The following DNAH9 variants were observed in gnomAD, a reference collection of about 807,000 sequenced individuals.
DNAH9 encodes dynein axonemal heavy chain 9, also known as DNAH9 variant protein.
DNAH9 carries 345 observed loss-of-function variants against 471.6 expected under a neutral mutation model. That is an observed-to-expected ratio of 0.73 (90% CI 0.67 to 0.80). The LOEUF is 0.80. DNAH9 is among the 30% of genes least tolerant of loss of function. The pLI, the probability that DNAH9 is intolerant of heterozygous loss-of-function variation, is 0.00. For synonymous variants in DNAH9, 2,093 were observed against 2,123.6 expected (o/e 0.99, Z 0.40); for missense variants, 5,407 against 5,609.2 (o/e 0.96, Z 1.15).
intron 14 of DNAH9, among the ~76,000 whole-genome samples, chr17:11,656,320 T>C (rs1460445327): frequency 6.6e-6 from 1 of 152,188 alleles, no homozygotes; most frequent in Non-Finnish European, 1.5e-5. Context: ...ATTAGTGATG[T>C]TGAGAATTTT....
rs538566748 is a variant in DNAH9, at chr17:11,727,721, C to CT, written c.5710-96dup. 65 of 781,616 alleles carry CT rather than the reference C, an allele frequency of 8.3e-5. No individual in the cohort carries two copies. The African/African-American group carries it at 1.0e-3, about 12-fold the overall frequency. 48.4% of individuals were successfully genotyped at this position (781,616 alleles called of 1,614,324 possible). ...TTCTGACCAGTGGTCTTTAGGGGGA[C>CT]TAGAAGTATCTATAATAAAGGGGAT... On this transcript the variant is annotated intron_variant, in intron 27 of 68. Transcript: ENST00000262442.
chr17:11,812,054 T>TATATATATAC (rs1282451711), intron 45 of DNAH9, among the ~76,000 whole-genome samples: 1 of 47,344 alleles, frequency 2.1e-5, no homozygotes, highest in Non-Finnish European at 5.0e-5. Flanking sequence ...TATATATATA[T>TATATATATAC]ACACATACAT....
At chr17:11,911,344 G>T (rs1973787929) in intron 61 of DNAH9, among the ~76,000 whole-genome samples, 1 of 152,166 alleles carries the variant, frequency 6.6e-6, no homozygotes, top group African/African-American at 2.4e-5. Flanking sequence ...GACCATCATT[G>T]TAAGAGCTTA....
intron 43 of DNAH9, among the ~76,000 whole-genome samples, chr17:11,806,312 A>G (rs115445296): frequency 0.01 from 1,537 of 152,302 alleles, 22 homozygotes; most frequent in African/African-American, 0.035. Context: ...CAACAGTTTT[A>G]CTTCTAGAAC....
At position 11,929,943 on chromosome 17, in the gene DNAH9, G is replaced by C. The variant is rs774679877; in HGVS notation, c.11955G>C (p.Glu3985Asp). Residue 3985 changes from glutamate to aspartate, a missense_variant, in exon 63 of 69, where the codon GAG becomes GAC. Glu to Asp is a conservative substitution (Grantham distance 45). This residue lies in a region of DNAH9 where 4,636 missense variants were observed against 4,900.3 expected (regional missense o/e 0.95). Transcript: ENST00000262442. Reference sequence around the variant, plus strand: ...AGCACAGTGAGAACAGCCACCCAGAGTTCAGGGTCTTCATGAGTGCAGAGC... The same window carrying C: ...AGCACAGTGAGAACAGCCACCCAGACTTCAGGGTCTTCATGAGTGCAGAGC... The part of the protein sequence containing the change: ...LEEHSENSHP[E>D]FRVFMSAEPA... 15 of 1,614,058 alleles carry C rather than the reference G, an allele frequency of 9.3e-6. No individual in the cohort carries two copies. Among genetic ancestry groups the C allele is most frequent in the Non-Finnish European group, 1.3e-5 (15 of 1,179,996 alleles).
chr17:11,923,848 C>T lies in DNAH9; in HGVS notation c.11784C>T (p.Asn3928=), dbSNP rs1405288734. The part of the protein sequence containing the change: ...RKLGYTFNNQ[N]FHNVSLGQGQ... ...TTGGATACACCTTCAACAATCAGAACTTTCACAACGTGTCTTTGGGGCAAG... is the reference window on the plus strand; with the variant it reads ...TTGGATACACCTTCAACAATCAGAATTTTCACAACGTGTCTTTGGGGCAAG... Residue 3928 remains asparagine (N), a synonymous_variant, in exon 62 of 69, where the codon AAC becomes AAT. Transcript: ENST00000262442. 9 of 1,613,958 alleles carry T rather than the reference C, an allele frequency of 5.6e-6. No individual in the cohort carries two copies. Among genetic ancestry groups the T allele is most frequent in the Non-Finnish European group, 7.6e-6 (9 of 1,179,984 alleles).
intron 61 of DNAH9, among the ~76,000 whole-genome samples, chr17:11,911,520 T>C (rs1295358873): frequency 6.6e-6 from 1 of 152,218 alleles, no homozygotes; most frequent in African/African-American, 2.4e-5. Flanking sequence ...TCTTATATTT[T>C]CTTTTTTGTT....
chr17:11,908,782 A>T (rs1973690222), intron 61 of DNAH9, among the ~76,000 whole-genome samples: 1 of 152,234 alleles, frequency 6.6e-6, no homozygotes, highest in Admixed American at 6.5e-5. Context: ...CAGTCTTTTA[A>T]CGAACCACAA....
At chr17:11,636,537 T>C (rs2073169896) in intron 8 of DNAH9, 97 bp from the exon 9 acceptor site, 1 of 853,824 alleles carries the variant, frequency 1.2e-6, no homozygotes, top group Admixed American at 2.2e-5. Context: ...CTTACATTGG[T>C]AGGCATATAA....
At chr17:11,954,965 T>G (rs1975564268) in intron 67 of DNAH9, among the ~76,000 whole-genome samples, 1 of 152,084 alleles carries the variant, frequency 6.6e-6, no homozygotes. Flanking sequence ...TAATAAAAAT[T>G]TACTGTGGGC....
intron 26 of DNAH9, among the ~76,000 whole-genome samples, chr17:11,710,465 T>A (rs1290072178): frequency 6.6e-6 from 1 of 152,216 alleles, no homozygotes; most frequent in Non-Finnish European, 1.5e-5. Context: ...TCACTAGTAG[T>A]TTATTAAAGT....
intron 11 of DNAH9, among the ~76,000 whole-genome samples, chr17:11,645,526 A>T (rs762787196): frequency 3.3e-5 from 5 of 152,138 alleles, no homozygotes; most frequent in Non-Finnish European, 7.3e-5. Flanking sequence ...CATAGCCACC[A>T]CCAGCTGGGA....
chr17:11,854,122 G>T lies in DNAH9; in HGVS notation c.9627G>T (p.Lys3209Asn), dbSNP rs746904425. 6.2e-7 allele frequency: 1 copy of T among 1,614,056 alleles called. No individual in the cohort carries two copies. The highest frequency in any genetic ancestry group is 8.5e-7 in the Non-Finnish European group (1 of 1,180,048). The change falls in exon 50 of 69, where the codon AAG (lysine) becomes AAT (asparagine). Residue 3209 changes from lysine to asparagine, a missense_variant. By Grantham distance (94) the Lys-to-Asn change is moderately conservative (BLOSUM62 0). This residue lies in a region of DNAH9 where 4,636 missense variants were observed against 4,900.3 expected (regional missense o/e 0.95). Transcript: ENST00000262442. ...GGGTGCCCAAGGACCGGAGCTGGAA[G>T]GCTGCTAAGGTCACCATGGCCAAAG... ...RGRVPKDRSWKAAKVTMAKVD... is the reference protein window; with the variant it reads ...RGRVPKDRSWNAAKVTMAKVD...
At chr17:11,874,244 C>CAAAAAAAA (rs770328921) in intron 52 of DNAH9, among the ~76,000 whole-genome samples, 15 of 106,404 alleles carry the variant, frequency 1.4e-4, no homozygotes, top group East Asian at 5.6e-4. Flanking sequence ...GATTCCATCT[C>CAAAAAAAA]AAAAAAAAAA....
chr17:11,802,495 G>T (rs1428039842), intron 43 of DNAH9, among the ~76,000 whole-genome samples: 1 of 152,112 alleles, frequency 6.6e-6, no homozygotes, highest in African/African-American at 2.4e-5. Context: ...AGCCAGGCAT[G>T]GTGGCAGACA....
intron 22 of DNAH9, among the ~76,000 whole-genome samples, chr17:11,697,324 G>C (rs1358148995): frequency 6.6e-6 from 1 of 152,078 alleles, no homozygotes; most frequent in Non-Finnish European, 1.5e-5. Context: ...GAATTCATGA[G>C]TCACAGTGAT....
intron 51 of DNAH9, 58 bp downstream of exon 51, chr17:11,869,311 C>A: frequency 6.3e-7 from 1 of 1,596,294 alleles, no homozygotes; most frequent in South Asian, 1.1e-5. Context: ...TGTCAAATGC[C>A]GTGGAGGTGC....
At chr17:11,910,011 C>T (rs1049458814) in intron 61 of DNAH9, among the ~76,000 whole-genome samples, 8 of 152,146 alleles carry the variant, frequency 5.3e-5, no homozygotes, top group Non-Finnish European at 8.8e-5. Flanking sequence ...AATCCCAGCA[C>T]TTTGGGAGGA....
intron 11 of DNAH9, among the ~76,000 whole-genome samples, chr17:11,645,410 GGA>G (rs2073362360): frequency 6.6e-6 from 1 of 152,148 alleles, no homozygotes; most frequent in Non-Finnish European, 1.5e-5. Flanking sequence ...ACAAGAGACT[GGA>G]ACTTCTCCAG....
Sources: gnomAD v4.1 joint callset for allele counts (sites outside exome capture counted in the v4.1 genomes callset) on GRCh38, gnomAD v4.1.1 for gene constraint, gnomAD v4.1.1 regional missense constraint, MANE v1.5 for transcripts, NCBI Gene and HGNC (gene_info 2026-07-23, HGNC 2026-07-21) for gene names.